GAS7: variants seen among roughly 807,000 people sequenced by gnomAD.
GAS7 encodes the protein growth arrest-specific protein 7.
Under a neutral mutation model 71.1 loss-of-function variants are expected in GAS7, and 28 were observed. The ratio of observed to expected loss-of-function variants is 0.39; its 90% CI spans 0.29 to 0.54. The LOEUF (loss-of-function observed/expected upper bound fraction) is 0.54. GAS7 is among the 20% of genes least tolerant of loss of function. The pLI, the probability that GAS7 is intolerant of heterozygous loss-of-function variation, is 0.62. For synonymous variants in GAS7, 258 were observed against 245.8 expected, an observed-to-expected ratio of 1.05 and a Z score of -0.46; for missense variants, 436 against 627.8, an observed-to-expected ratio of 0.69 and a Z score of 3.27.
chr17:10,058,753 C>T lies in GAS7; in HGVS notation c.184-38856G>A, dbSNP rs147209137. 6.7e-3 allele frequency among the ~76,000 whole-genome samples: 1,024 copies of T among 152,272 alleles called. 7 individuals carry two copies. Among genetic ancestry groups the T allele is most frequent in the Middle Eastern group, 0.014 (4 of 294 alleles). On this transcript the variant is annotated intron_variant, in intron 1 of 13. Transcript: ENST00000432992. Reference sequence around the variant, plus strand: ...CAGTCCTCAATAGGTTCACACTGGCCGTAACATTGACTCATTGCAATGCCA... The same window carrying T: ...CAGTCCTCAATAGGTTCACACTGGCTGTAACATTGACTCATTGCAATGCCA...
At chr17:10,110,861 G>T (rs753722187) in intron 1 of GAS7, among the ~76,000 whole-genome samples, 37 of 152,198 alleles carry the variant, frequency 2.4e-4, no homozygotes, top group Admixed American at 3.3e-4. Context: ...CTAGAAGAAT[G>T]TTTGTTCCCA....
chr17:10,072,520 G>A (rs2073351408), intron 1 of GAS7, among the ~76,000 whole-genome samples: 1 of 152,154 alleles, frequency 6.6e-6, no homozygotes, highest in Non-Finnish European at 1.5e-5. Flanking sequence ...AAGAGCCAAG[G>A]CAGGAGTCCC....
At chr17:9,994,692 A>C (rs36073929) in intron 2 of GAS7, among the ~76,000 whole-genome samples, 6,377 of 134,464 alleles carry the variant, frequency 0.047, 178 homozygotes, top group South Asian at 0.083. Flanking sequence ...GGATCTAATT[A>C]AACTAAAGAG....
chr17:10,085,228 G>C (rs972273967), intron 1 of GAS7, among the ~76,000 whole-genome samples: 1 of 152,168 alleles, frequency 6.6e-6, no homozygotes, highest in Non-Finnish European at 1.5e-5. Flanking sequence ...AAAGAACCCT[G>C]AGTGACACAT....
At chr17:10,003,412 G>A (rs901708308) in intron 2 of GAS7, among the ~76,000 whole-genome samples, 1 of 152,320 alleles carries the variant, frequency 6.6e-6, no homozygotes, top group African/African-American at 2.4e-5. Context: ...AACTGCTTTT[G>A]CTCCGACCTT....
chr17:10,053,903 T>TAA (rs2073098518), intron 1 of GAS7, among the ~76,000 whole-genome samples: 1 of 152,158 alleles, frequency 6.6e-6, no homozygotes, highest in Non-Finnish European at 1.5e-5. Context: ...TCAGCATGCA[T>TAA]CAGAAGGGCT....
At chr17:10,169,104 GTC>G in intron 1 of GAS7, among the ~76,000 whole-genome samples, 1 of 149,272 alleles carries the variant, frequency 6.7e-6, no homozygotes. Context: ...GTGAAACCCT[GTC>G]TCTACTAAAA....
intron 1 of GAS7, among the ~76,000 whole-genome samples, chr17:10,130,859 G>A (rs2073991660): frequency 6.6e-6 from 1 of 152,208 alleles, no homozygotes; most frequent in African/African-American, 2.4e-5. Context: ...TGGTTGGGGG[G>A]AACGGGAAGT....
chr17:10,121,016 C>T (rs969019908), intron 1 of GAS7, among the ~76,000 whole-genome samples: 3 of 152,230 alleles, frequency 2.0e-5, no homozygotes, highest in African/African-American at 4.8e-5. Flanking sequence ...GGAGCTGCAA[C>T]GGTCCTCCAT....
At chr17:10,184,739 T>G (rs868726469) in intron 1 of GAS7, among the ~76,000 whole-genome samples, 2 of 152,128 alleles carry the variant, frequency 1.3e-5, no homozygotes, top group African/African-American at 4.8e-5. Flanking sequence ...ATGAGCCCAT[T>G]TGATCACACT....
At position 9,973,496 on chromosome 17, in the gene GAS7, C is replaced by T. The variant is rs1017012272; in HGVS notation, c.386-3734G>A. 8.5e-5 allele frequency among the ~76,000 whole-genome samples: 13 copies of T among 152,250 alleles called. No homozygotes were observed. The South Asian group carries it at 1.0e-3, about 12-fold the overall frequency. On this transcript the variant is annotated intron_variant, in intron 3 of 13. Transcript: ENST00000432992. ...CTCAAACTCCTGACCTCAAGTGATC[C>T]GCCAGCCTCAGCCTCCCAAAGTGCT...
intron 1 of GAS7, among the ~76,000 whole-genome samples, chr17:10,136,639 G>C (rs575660814): frequency 2.6e-5 from 4 of 152,062 alleles, no homozygotes; most frequent in Admixed American, 2.0e-4. Flanking sequence ...GCATCTGTCC[G>C]TCTGCCTCAA....
chr17:10,051,666 CAT>C (rs1224305727), intron 1 of GAS7, among the ~76,000 whole-genome samples: 1 of 152,194 alleles, frequency 6.6e-6, no homozygotes, highest in African/African-American at 2.4e-5. Flanking sequence ...CAGAAACAAA[CAT>C]GGTCCTTGAC....
chr17:9,929,891 C>G (rs777194443), intron 9 of GAS7, among the ~76,000 whole-genome samples: 1 of 151,928 alleles, frequency 6.6e-6, no homozygotes, highest in East Asian at 2.0e-4. Flanking sequence ...ATCAGAAGTC[C>G]TTCCTCAAAG....
chr17:10,120,931 T>A (rs1167037263), intron 1 of GAS7, among the ~76,000 whole-genome samples: 1 of 152,128 alleles, frequency 6.6e-6, no homozygotes, highest in Non-Finnish European at 1.5e-5. Context: ...AACTGCCACA[T>A]GAAAGCAAAG....
intron 1 of GAS7, among the ~76,000 whole-genome samples, chr17:10,131,651 T>TCATGTATTCCTGTATTCCTG (rs1244084010): frequency 6.6e-6 from 1 of 152,160 alleles, no homozygotes; most frequent in African/African-American, 2.4e-5. Flanking sequence ...AAACAAAGTC[T>TCATGTATTCCTGTATTCCTG]CATGTATTCC....
At chr17:9,923,108 T>C (rs1053921840) in intron 11 of GAS7, among the ~76,000 whole-genome samples, 4 of 152,234 alleles carry the variant, frequency 2.6e-5, no homozygotes, top group Middle Eastern at 3.4e-3. Context: ...GAGGTTTCAC[T>C]ATGTTGGCCA....
chr17:9,999,190 A>T (rs1286257687), intron 2 of GAS7, among the ~76,000 whole-genome samples: 1 of 152,170 alleles, frequency 6.6e-6, no homozygotes, highest in Non-Finnish European at 1.5e-5. Flanking sequence ...TATATAGAAG[A>T]CTTTCCAGTA....
At chr17:10,108,647 G>A (rs1376423512) in intron 1 of GAS7, among the ~76,000 whole-genome samples, 2 of 152,256 alleles carry the variant, frequency 1.3e-5, no homozygotes, top group African/African-American at 2.4e-5. Flanking sequence ...GTAGACCAAT[G>A]GAACAGAATA....
Sources: gnomAD v4.1 joint callset for allele counts (sites outside exome capture counted in the v4.1 genomes callset) on GRCh38, gnomAD v4.1.1 for gene constraint, MANE v1.5 for transcripts, NCBI Gene and HGNC (gene_info 2026-07-23, HGNC 2026-07-21) for gene names.